SCRN2: variants seen among roughly 807,000 people sequenced by gnomAD.
SCRN2 encodes the protein secernin-2.
In SCRN2, 30 loss-of-function variants were observed where a neutral mutation model predicts 40.1. That is an observed-to-expected ratio of 0.75 (90% confidence interval 0.56 to 1.01). The LOEUF (loss-of-function observed/expected upper bound fraction) is 1.01, where lower values mean the gene tolerates loss of function less well. Ranked by LOEUF, SCRN2 falls within the 50% of genes least tolerant of loss-of-function variation. The pLI is 0.00. For synonymous variants in SCRN2, 240 were observed against 233.5 expected, an observed-to-expected ratio of 1.03 and a Z score of -0.25; for missense variants, 526 against 564.9, an observed-to-expected ratio of 0.93 and a Z score of 0.70.
chr17:47,839,601 A>C lies in SCRN2; in HGVS notation c.399T>G (p.His133Gln), dbSNP rs1206541489. 1 of 1,614,092 alleles carries C rather than the reference A, an allele frequency of 6.2e-7. No individual in the cohort carries two copies. Among genetic ancestry groups the C allele is most frequent in the Non-Finnish European group, 8.5e-7 (1 of 1,180,034 alleles). ...ERSSSAQEAL[H>Q]VITGLLEHYG... is the part of the protein sequence containing the mutation. Reference sequence around the variant, plus strand: ...AGTGCTCCAGTAACCCTGTGATCACATGCAAGGCCTCCTGGGCAGAGCTGC... The same window carrying C: ...AGTGCTCCAGTAACCCTGTGATCACCTGCAAGGCCTCCTGGGCAGAGCTGC... Residue 133 changes from histidine to glutamine, a missense_variant, in exon 4 of 8, where the codon CAT becomes CAG. His to Gln is a conservative substitution (Grantham distance 24). Transcript: ENST00000290216.
At position 47,840,306 on chromosome 17, in the gene SCRN2, G is replaced by A; in HGVS notation, c.241C>T (p.Leu81=). Residue 81 remains leucine, a synonymous_variant, in exon 3 of 8, where the codon CTA becomes TTA. Coordinates refer to ENST00000290216, the MANE Select transcript of SCRN2 (RefSeq NM_138355.4). ...TTGGCGCCCATCTCAGCCCCCCATAGCCAAGAAGGACGGCTCAGAATCACA... is the reference window on the plus strand; with the variant it reads ...TTGGCGCCCATCTCAGCCCCCCATAACCAAGAAGGACGGCTCAGAATCACA... The part of the protein sequence containing the change: ...HAVILSRPSW[L]WGAEMGANEH... 1 of 1,614,182 alleles carries A rather than the reference G, an allele frequency of 6.2e-7. No individual in the cohort carries two copies. The highest frequency in any genetic ancestry group is 8.5e-7 in the Non-Finnish European group (1 of 1,180,038).
intron 3 of SCRN2, chr17:47,839,844 G>A: frequency 1.6e-6 from 1 of 621,584 alleles, no homozygotes; most frequent in Non-Finnish European, 2.8e-6. Context: ...TGCTTTGAGG[G>A]TTCCATGAAA....
rs778010210 is a variant in SCRN2, at chr17:47,838,387, G to C, written c.1002C>G (p.Pro334=). 8 of 1,609,320 alleles carry C rather than the reference G, an allele frequency of 5.0e-6. No homozygotes were observed. The Admixed American group carries it at 1.2e-4, about 24-fold the overall frequency. ...GAACAGGGTCTTGTGCTCCAAAAGT[G>C]GGGGACAGCACCTGGGGGGCCTGGG... The part of the protein sequence containing the change: ...GVAQAPQVLS[P]TFGAQDPVRT... Residue 334 remains proline (P), a synonymous_variant, in exon 7 of 8, where the codon CCC becomes CCG. Transcript: ENST00000290216.
chr17:47,841,176 T>G, intron 1 of SCRN2, 32 bp downstream of exon 1: 1 of 227,292 alleles, frequency 4.4e-6, no homozygotes, highest in East Asian at 8.8e-5. Flanking sequence ...TGTCCAACCC[T>G]TCTCTCACCC....
chr17:47,840,067 A>G, intron 3 of SCRN2, 124 bp downstream of exon 3: 1 of 979,852 alleles, frequency 1.0e-6, no homozygotes. Context: ...GCACAAGGGC[A>G]AAGTCTGCAG....
Position 47,837,940 on chromosome 17 carries a change from TG to T in SCRN2, c.1181del (p.Thr394AsnfsTer24). 1 of 1,606,678 alleles carries T rather than the reference TG, an allele frequency of 6.2e-7. No homozygotes were observed. Among genetic ancestry groups the T allele is most frequent in the Non-Finnish European group, 8.5e-7 (1 of 1,179,410 alleles). The stretch of plus-strand genomic sequence containing the variant: ...CCCACTCGCCGGCCAGCAGCCCCTG[TG>T]TGGCCTCGAGGCCTTCCTGCTCCAG... ...QDLEQEGLEA[T>X]QGLLAGEWAP... On this transcript the variant is annotated frameshift_variant, in exon 8 of 8. Transcript: ENST00000290216. LOFTEE classifies it high-confidence loss of function.
Position 47,837,928 on chromosome 17 carries a change from C to G in SCRN2, c.1194G>C (p.Leu398=), listed in dbSNP as rs1334893918. Residue 398 remains leucine, a synonymous_variant, in exon 8 of 8, where the codon CTG becomes CTC. Coordinates refer to ENST00000290216, the MANE Select transcript of SCRN2 (RefSeq NM_138355.4). ...AGAGGGGTGGGGCCCACTCGCCGGC[C>G]AGCAGCCCCTGTGTGGCCTCGAGGC... The part of the protein sequence containing the change: ...QEGLEATQGL[L]AGEWAPPLWE... 6.2e-7 allele frequency: 1 copy of G among 1,605,604 alleles called. No individual in the cohort carries two copies. Among genetic ancestry groups the G allele is most frequent in the South Asian group, 1.1e-5 (1 of 90,814 alleles).
intron 2 of SCRN2, 25 bp from the exon 3 acceptor site, chr17:47,840,397 A>AGCGTCCACTCATAGAGGG (rs2143630596): frequency 6.2e-7 from 1 of 1,612,242 alleles, no homozygotes; most frequent in Non-Finnish European, 8.5e-7. Context: ...GGAGAAAGGA[A>AGCGTCCACTCATAGAGGG]GCGTCCACTC....
In SCRN2 at chr17:47,838,667, T is replaced by C; in HGVS notation, c.802A>G (p.Ile268Val). 6.2e-7 allele frequency: 1 copy of C among 1,614,088 alleles called. No individual in the cohort carries two copies. Among genetic ancestry groups the C allele is most frequent in the Non-Finnish European group, 8.5e-7 (1 of 1,180,022 alleles). ...ATACCACTCTCCTTGTCTCTGAGGATGCCCATCATCACCTCTGCCGTGATG... is the reference window on the plus strand; with the variant it reads ...ATACCACTCTCCTTGTCTCTGAGGACGCCCATCATCACCTCTGCCGTGATG... Reference protein sequence around the residue: ...GGITAEVMMGILRDKESGICM... With the variant: ...GGITAEVMMGVLRDKESGICM... Residue 268 changes from isoleucine to valine, a missense_variant, in exon 6 of 8, where the codon ATC becomes GTC. Coordinates refer to ENST00000290216, the MANE Select transcript of SCRN2 (RefSeq NM_138355.4).
intron 6 of SCRN2, 23 bp from the exon 7 acceptor site, chr17:47,838,473 A>G: frequency 6.2e-7 from 1 of 1,613,684 alleles, no homozygotes. Flanking sequence ...AGATGGAAGC[A>G]CGGAGATATA....
At chr17:47,839,100 A>G in intron 4 of SCRN2, 94 bp from the exon 5 acceptor site, 1 of 1,353,188 alleles carries the variant, frequency 7.4e-7, no homozygotes, top group South Asian at 1.3e-5. Flanking sequence ...TGGAGAAGAG[A>G]ACTACCTACC....
Position 47,840,317 on chromosome 17 carries a change from C to A in SCRN2, c.230G>T (p.Arg77Leu). ...VSKTHAVILS[R>L]PSWLWGAEMG... The stretch of plus-strand genomic sequence containing the variant: ...CTCAGCCCCCCATAGCCAAGAAGGA[C>A]GGCTCAGAATCACAGCGTGCGTCTT... Residue 77 changes from arginine to leucine, a missense_variant, in exon 3 of 8, where the codon CGT becomes CTT. Coordinates refer to ENST00000290216, the MANE Select transcript of SCRN2 (RefSeq NM_138355.4). 6.2e-7 allele frequency: 1 copy of A among 1,614,208 alleles called. No homozygotes were observed. Among genetic ancestry groups the A allele is most frequent in the Non-Finnish European group, 8.5e-7 (1 of 1,180,042 alleles).
Position 47,837,755 on chromosome 17 carries a change from G to A in SCRN2, c.*89C>T, listed in dbSNP as rs537519599. 1.7e-5 allele frequency: 25 copies of A among 1,437,308 alleles called. No individual in the cohort carries two copies. The highest frequency in any genetic ancestry group is 2.1e-4 in the Middle Eastern group (1 of 4,668). 89.0% of individuals were successfully genotyped at this position (1,437,308 alleles called of 1,614,324 possible). On this transcript the variant is annotated 3_prime_UTR_variant, in exon 8 of 8. Transcript: ENST00000290216. ...GCCGCTCAGAACATGGCCAAGGAGC[G>A]TGAAGGGATTGCTCCACTTTACCAC...
chr17:47,840,026 G>A, intron 3 of SCRN2, 165 bp downstream of exon 3: 1 of 643,252 alleles, frequency 1.6e-6, no homozygotes, highest in South Asian at 2.0e-5. Context: ...GAGGCCCAAA[G>A]GTGGCTGCTG....
chr17:47,840,852 A>G lies in SCRN2; in HGVS notation c.1-9T>C. ...GGGCTCGACGACGCCATCTGGGGAG[A>G]GGCGGGCCTCTCCATAACCCTGGCC... On this transcript the variant is annotated splice_polypyrimidine_tract_variant and intron_variant, in intron 1 of 7. Transcript: ENST00000290216. 2 of 1,514,436 alleles carry G rather than the reference A, an allele frequency of 1.3e-6. No homozygotes were observed. The highest frequency in any genetic ancestry group is 1.8e-6 in the Non-Finnish European group (2 of 1,128,896). The allele number at this position is 1,514,436 out of a possible 1,614,324, so 93.8% of individuals were successfully genotyped here. A position where few individuals can be genotyped will look rare whatever the true frequency, so the allele number is the denominator to read the frequency against.
chr17:47,838,741 G>A (rs750898720), intron 5 of SCRN2, 45 bp from the exon 6 acceptor site: 1 of 1,610,592 alleles, frequency 6.2e-7, no homozygotes, highest in South Asian at 1.1e-5. Context: ...GAGAGTGGCT[G>A]GCACTGCTGT....
chr17:47,840,789 G>A lies in SCRN2; in HGVS notation c.55C>T (p.Pro19Ser), dbSNP rs758439321. The A allele has an allele frequency of 2.5e-6, 4 of 1,578,748 alleles. No individual in the cohort carries two copies. The highest frequency in any genetic ancestry group is 2.3e-5 in the East Asian group (1 of 43,784). Residue 19 changes from proline to serine, a missense_variant, in exon 2 of 8, where the codon CCC (proline) becomes TCC (serine). Physicochemically the swap from Pro to Ser is moderately conservative, Grantham distance 74 (BLOSUM62 -1). Transcript: ENST00000290216. ...PCSCDCFVSV[P>S]PASAIPAVIF... ...ACAGCCGGGATGGCTGAGGCCGGGGGCACGGAGACAAAGCAGTCGCAGGAA... is the reference window on the plus strand; with the variant it reads ...ACAGCCGGGATGGCTGAGGCCGGGGACACGGAGACAAAGCAGTCGCAGGAA...
At chr17:47,838,072 T>C in intron 7 of SCRN2, 70 bp from the exon 8 acceptor site, 1 of 1,570,476 alleles carries the variant, frequency 6.4e-7, no homozygotes, top group Non-Finnish European at 8.5e-7. Flanking sequence ...GGGGACTGTG[T>C]ACCACCTCAC....
chr17:47,840,138 C>T, intron 3 of SCRN2, 53 bp downstream of exon 3: 2 of 1,561,892 alleles, frequency 1.3e-6, no homozygotes, highest in South Asian at 2.3e-5. Context: ...GGTCAAAACT[C>T]AGCCCCTAGA....
Sources: allele counts gnomAD v4.1 joint callset, GRCh38; gene constraint gnomAD v4.1.1; transcripts MANE v1.5; gene names NCBI Gene and HGNC (gene_info 2026-07-23, HGNC 2026-07-21).